PDE4B: variants seen among roughly 807,000 people sequenced by gnomAD.
PDE4B encodes 3',5'-cyclic-AMP phosphodiesterase 4B.
PDE4B carries 20 observed loss-of-function variants against 82.2 expected under a neutral mutation model. The ratio of observed to expected loss-of-function variants is 0.24; its 90% CI spans 0.17 to 0.35. PDE4B has a LOEUF of 0.35. PDE4B is among the 10% of genes least tolerant of loss of function. The pLI, the probability that PDE4B is intolerant of heterozygous loss-of-function variation, is 1.00. For synonymous variants in PDE4B, 320 were observed against 318.9 expected (o/e 1.00, Z -0.04); for missense variants, 655 against 907.2 (o/e 0.72, Z 3.57).
intron 7 of PDE4B, among the ~76,000 whole-genome samples, chr1:66,287,092 G>A (rs894722372): frequency 2.0e-5 from 3 of 152,160 alleles, no homozygotes; most frequent in African/African-American, 7.2e-5. Context: ...TATAGTGAAT[G>A]CAGGTGGGGA....
intron 3 of PDE4B, among the ~76,000 whole-genome samples, chr1:66,082,638 A>T (rs978831550): frequency 1.7e-5 from 2 of 119,980 alleles, no homozygotes; most frequent in Non-Finnish European, 3.6e-5. Flanking sequence ...ATAGGATTGA[A>T]ATAATATATA....
intron 3 of PDE4B, among the ~76,000 whole-genome samples, chr1:66,044,120 C>T (rs1654551506): frequency 6.6e-6 from 1 of 151,618 alleles, no homozygotes; most frequent in African/African-American, 2.4e-5. Context: ...CTAATTTTTG[C>T]TTCTGAAGAA....
chr1:65,951,995 T>C (rs1649024710), intron 3 of PDE4B, among the ~76,000 whole-genome samples: 1 of 152,120 alleles, frequency 6.6e-6, no homozygotes, highest in African/African-American at 2.4e-5. Flanking sequence ...ACTGAGATTC[T>C]CCTAAGGGAC....
chr1:66,215,634 G>C (rs1008792046), intron 3 of PDE4B, among the ~76,000 whole-genome samples: 2 of 152,110 alleles, frequency 1.3e-5, no homozygotes, highest in African/African-American at 4.8e-5. Flanking sequence ...TCTGCAGGAG[G>C]CTTCAGAGAC....
chr1:65,914,329 G>A (rs1647131928), intron 2 of PDE4B, among the ~76,000 whole-genome samples: 1 of 152,108 alleles, frequency 6.6e-6, no homozygotes, highest in African/African-American at 2.4e-5. Flanking sequence ...ACAGTGCAGA[G>A]GGAGAGTTAG....
chr1:65,819,700 C>A (rs1302314728), intron 1 of PDE4B, among the ~76,000 whole-genome samples: 3 of 151,950 alleles, frequency 2.0e-5, no homozygotes, highest in African/African-American at 7.2e-5. Context: ...GGGGTTTCAC[C>A]GTGTTAGCCA....
chr1:65,952,438 T>C (rs1220448017), intron 3 of PDE4B, among the ~76,000 whole-genome samples: 14 of 152,064 alleles, frequency 9.2e-5, no homozygotes, highest in Non-Finnish European at 7.4e-5. Flanking sequence ...CCCAGCACTT[T>C]GGGAGGCTGA....
intron 3 of PDE4B, among the ~76,000 whole-genome samples, chr1:66,116,128 C>T (rs1645588947): frequency 6.6e-6 from 1 of 152,210 alleles, no homozygotes; most frequent in Non-Finnish European, 1.5e-5. Flanking sequence ...TACTTTTCTG[C>T]TGAGATGCTC....
At chr1:66,056,530 A>G (rs1484939859) in intron 3 of PDE4B, among the ~76,000 whole-genome samples, 1 of 79,860 alleles carries the variant, frequency 1.3e-5, no homozygotes, top group Non-Finnish European at 2.5e-5. Context: ...CTATCTATCT[A>G]TCATCTATCT....
At chr1:66,019,867 C>T (rs892664610) in intron 3 of PDE4B, among the ~76,000 whole-genome samples, 2 of 152,156 alleles carry the variant, frequency 1.3e-5, no homozygotes, top group Non-Finnish European at 2.9e-5. Flanking sequence ...GTAGACAATA[C>T]TCTCAGAGAG....
chr1:66,079,378 GACCCTTTATCT>G (rs1656607420), intron 3 of PDE4B, among the ~76,000 whole-genome samples: 1 of 152,082 alleles, frequency 6.6e-6, no homozygotes, highest in African/African-American at 2.4e-5. Flanking sequence ...TGAGGATTTG[GACCCTTTATCT>G]CTGTCATTTT....
At chr1:66,194,227 A>G (rs780488255) in intron 3 of PDE4B, among the ~76,000 whole-genome samples, 6 of 152,108 alleles carry the variant, frequency 3.9e-5, no homozygotes, top group Non-Finnish European at 8.8e-5. Flanking sequence ...CTAACCTTTT[A>G]GTAACTTACC....
rs549875373 is a variant in PDE4B, at chr1:66,229,631, G to T, written c.282-17829G>T. 4.6e-5 allele frequency among the ~76,000 whole-genome samples: 7 copies of T among 152,184 alleles called. No homozygotes were observed. The South Asian group carries it at 1.5e-3, about 32-fold the overall frequency. On this transcript the variant is annotated intron_variant, in intron 3 of 16. Coordinates refer to ENST00000341517, the MANE Select transcript of PDE4B (RefSeq NM_002600.4). ...TTGGGTCTCTTATGTGATATCTACA[G>T]ATTTTGAGGAATTACATTTCAGAGA...
chr1:66,287,152 T>A (rs1298353735), intron 7 of PDE4B, among the ~76,000 whole-genome samples: 1 of 152,160 alleles, frequency 6.6e-6, no homozygotes, highest in African/African-American at 2.4e-5. Context: ...TTAAAGTGGA[T>A]GGTGGTTTTC....
At chr1:66,164,559 A>G (rs141009374) in intron 3 of PDE4B, among the ~76,000 whole-genome samples, 3,543 of 124,348 alleles carry the variant, frequency 0.028, 7 homozygotes, top group Non-Finnish European at 0.048. Flanking sequence ...AAAAAAAAAA[A>G]AAAGAAAGAA....
intron 4 of PDE4B, among the ~76,000 whole-genome samples, chr1:66,250,209 C>T (rs78389929): frequency 9.9e-4 from 150 of 152,140 alleles, no homozygotes; most frequent in Non-Finnish European, 2.0e-3. Context: ...CTTTTTTTGC[C>T]TTCTACCCAT....
chr1:65,885,154 C>A (rs1325034726), intron 1 of PDE4B, among the ~76,000 whole-genome samples: 1 of 152,130 alleles, frequency 6.6e-6, no homozygotes, highest in Admixed American at 6.5e-5. Flanking sequence ...ATCAAAACCA[C>A]AATGAAATAC....
At chr1:66,077,024 C>T (rs902948856) in intron 3 of PDE4B, among the ~76,000 whole-genome samples, 2 of 151,820 alleles carry the variant, frequency 1.3e-5, no homozygotes, top group Non-Finnish European at 2.9e-5. Flanking sequence ...TTAATTAGGT[C>T]TTACTTGTTA....
chr1:65,914,643 A>C (rs1647138417), intron 2 of PDE4B, among the ~76,000 whole-genome samples: 1 of 149,366 alleles, frequency 6.7e-6, no homozygotes, highest in Admixed American at 6.7e-5. Flanking sequence ...CCTTAATACT[A>C]TTTGTATACT....
Sources: gnomAD v4.1 joint callset for allele counts (sites outside exome capture counted in the v4.1 genomes callset) on GRCh38, gnomAD v4.1.1 for gene constraint, MANE v1.5 for transcripts, NCBI Gene and HGNC (gene_info 2026-07-23, HGNC 2026-07-21) for gene names.